Variants in FSTL5 observed in about 807,000 individuals in gnomAD.
FSTL5 encodes follistatin-related protein 5.
A neutral mutation model predicts 89.1 loss-of-function variants in FSTL5; 62 were observed. The observed-to-expected ratio is 0.70, with a 90% CI of 0.57 to 0.86. The LOEUF (loss-of-function observed/expected upper bound fraction) is 0.86. FSTL5 is among the 40% of genes least tolerant of loss of function. The pLI is 0.00. For synonymous variants in FSTL5, 383 were observed against 346.2 expected (o/e 1.11, Z -1.18); for missense variants, 1,057 against 1,001.6 (o/e 1.06, Z -0.75).
intron 7 of FSTL5, among the ~76,000 whole-genome samples, chr4:161,618,731 T>A (rs1734989454): frequency 6.6e-6 from 1 of 152,168 alleles, no homozygotes; most frequent in South Asian, 2.1e-4. Context: ...TTTGCCAGTA[T>A]TTTATTGAGG....
At chr4:161,579,543 C>A (rs946177835) in intron 8 of FSTL5, among the ~76,000 whole-genome samples, 1 of 151,688 alleles carries the variant, frequency 6.6e-6, no homozygotes, top group African/African-American at 2.4e-5. Context: ...CATGGTGAAA[C>A]CCCCTCTCCA....
intron 4 of FSTL5, among the ~76,000 whole-genome samples, chr4:161,794,354 G>A (rs1240033268): frequency 6.6e-6 from 1 of 152,126 alleles, no homozygotes; most frequent in Non-Finnish European, 1.5e-5. Flanking sequence ...ATTAGTTCGG[G>A]TGTTAAATCT....
At chr4:161,451,570 G>C (rs1308338910) in intron 15 of FSTL5, among the ~76,000 whole-genome samples, 1 of 152,196 alleles carries the variant, frequency 6.6e-6, no homozygotes, top group Non-Finnish European at 1.5e-5. Flanking sequence ...TTTTATTCCA[G>C]TCCTTAGAAA....
intron 2 of FSTL5, among the ~76,000 whole-genome samples, chr4:162,037,498 T>C (rs113816666): frequency 1.3e-3 from 191 of 151,924 alleles, no homozygotes; most frequent in African/African-American, 4.0e-3. Flanking sequence ...CCTAGTTGAG[T>C]TTTGTCGTCA....
chr4:161,466,875 T>A (rs956807537), intron 13 of FSTL5, among the ~76,000 whole-genome samples: 1 of 152,256 alleles, frequency 6.6e-6, no homozygotes, highest in East Asian at 1.9e-4. Flanking sequence ...TAATTTATTA[T>A]AGTTTTTAAA....
chr4:162,065,205 T>A (rs1738854566), intron 2 of FSTL5, among the ~76,000 whole-genome samples: 1 of 151,972 alleles, frequency 6.6e-6, no homozygotes, highest in Admixed American at 6.6e-5. Context: ...TGGCAATGAT[T>A]TTTTAGGGTA....
chr4:161,958,087 A>G (rs1195292478), intron 3 of FSTL5, among the ~76,000 whole-genome samples: 1 of 151,472 alleles, frequency 6.6e-6, no homozygotes, highest in African/African-American at 2.4e-5. Flanking sequence ...AATGTTACCA[A>G]TTTTTTCTTC....
intron 8 of FSTL5, among the ~76,000 whole-genome samples, chr4:161,567,876 CTT>C (rs1487407562): frequency 6.6e-6 from 1 of 152,006 alleles, no homozygotes; most frequent in Non-Finnish European, 1.5e-5. Context: ...TTATTGCTAA[CTT>C]AATTTCTAAA....
intron 2 of FSTL5, among the ~76,000 whole-genome samples, chr4:162,098,447 T>C (rs1006483557): frequency 6.6e-6 from 1 of 152,024 alleles, no homozygotes; most frequent in Non-Finnish European, 1.5e-5. Context: ...ACTCAGAGAA[T>C]ACGCATGTAA....
chr4:161,784,690 C>A (rs1331100394), intron 4 of FSTL5, among the ~76,000 whole-genome samples: 3 of 151,896 alleles, frequency 2.0e-5, no homozygotes, highest in South Asian at 4.2e-4. Context: ...GTCAGGAGAT[C>A]GAGACCATCC....
At chr4:162,073,252 G>A (rs1405430023) in intron 2 of FSTL5, among the ~76,000 whole-genome samples, 2 of 151,698 alleles carry the variant, frequency 1.3e-5, no homozygotes, top group African/African-American at 2.4e-5. Flanking sequence ...GTGTATGTGT[G>A]TGTGTGTATG....
intron 2 of FSTL5, among the ~76,000 whole-genome samples, chr4:162,042,918 G>A (rs1015703307): frequency 5.1e-5 from 7 of 136,392 alleles, no homozygotes; most frequent in Non-Finnish European, 9.2e-5. Flanking sequence ...GACACAGGAA[G>A]GGGAATATTA....
At chr4:161,732,464 A>G (rs1379165030) in intron 6 of FSTL5, among the ~76,000 whole-genome samples, 1 of 151,968 alleles carries the variant, frequency 6.6e-6, no homozygotes, top group African/African-American at 2.4e-5. Flanking sequence ...CACTTTTATA[A>G]TGATGCTTTT....
intron 8 of FSTL5, among the ~76,000 whole-genome samples, chr4:161,583,495 T>C (rs1190869833): frequency 2.0e-5 from 3 of 152,212 alleles, no homozygotes; most frequent in Non-Finnish European, 4.4e-5. Flanking sequence ...ATTATAGCAG[T>C]TAATAGTTAA....
intron 6 of FSTL5, among the ~76,000 whole-genome samples, chr4:161,693,161 C>A (rs1738011336): frequency 6.6e-6 from 1 of 152,156 alleles, no homozygotes; most frequent in Non-Finnish European, 1.5e-5. Flanking sequence ...GAATAAATCC[C>A]ACTTGTTCGT....
At chr4:161,835,391 A>G (rs553060886) in intron 4 of FSTL5, among the ~76,000 whole-genome samples, 127 of 152,242 alleles carry the variant, frequency 8.3e-4, no homozygotes, top group African/African-American at 3.0e-3. Context: ...ACATAGGCAT[A>G]GGCAAGGACT....
chr4:161,806,730 T>C (rs1729977755), intron 4 of FSTL5, among the ~76,000 whole-genome samples: 1 of 152,064 alleles, frequency 6.6e-6, no homozygotes, highest in South Asian at 2.1e-4. Context: ...ACAGAATGAA[T>C]TGTTAAGAAA....
intron 13 of FSTL5, among the ~76,000 whole-genome samples, chr4:161,460,291 AG>A (rs1231643623): frequency 1.3e-5 from 2 of 151,446 alleles, no homozygotes; most frequent in African/African-American, 2.4e-5. Context: ...CACAACGTGC[AG>A]GTTTGTCACA....
chr4:161,797,358 C>A (rs1729662806), intron 4 of FSTL5, among the ~76,000 whole-genome samples: 1 of 151,408 alleles, frequency 6.6e-6, no homozygotes, highest in Non-Finnish European at 1.5e-5. Context: ...GGTTAAATGC[C>A]CATACACATA....
Sources: allele counts gnomAD v4.1 joint callset (sites outside exome capture counted in the v4.1 genomes callset), GRCh38; gene constraint gnomAD v4.1.1; transcripts MANE v1.5; gene names NCBI Gene and HGNC (gene_info 2026-07-23, HGNC 2026-07-21).